The following CHODL variants were observed in gnomAD, a reference collection of about 807,000 sequenced individuals.
CHODL encodes the protein chondrolectin, also known as transmembrane protein MT75.
In CHODL, 29 loss-of-function variants were observed where a neutral mutation model predicts 34.5. That is an observed-to-expected ratio of 0.84 (90% confidence interval 0.63 to 1.15). The LOEUF (loss-of-function observed/expected upper bound fraction) is 1.15, where lower values mean the gene tolerates loss of function less well. Among genes scored for constraint, CHODL ranks in the 50% most tolerant of loss-of-function variants. CHODL has a pLI of 0.00. For synonymous variants in CHODL, 125 were observed against 116.1 expected, an observed-to-expected ratio of 1.08 and a Z score of -0.49; for missense variants, 332 against 332.5, an observed-to-expected ratio of 1.00 and a Z score of 0.01.
intron 2 of CHODL, among the ~76,000 whole-genome samples, chr21:18,146,633 C>T (rs974860116): frequency 6.6e-6 from 1 of 152,154 alleles, no homozygotes; most frequent in African/African-American, 2.4e-5. Context: ...GTCAATTAAA[C>T]TTCTTCCCTT....
chr21:18,139,536 T>C (rs1035358258), intron 2 of CHODL, among the ~76,000 whole-genome samples: 3 of 152,080 alleles, frequency 2.0e-5, no homozygotes, highest in Non-Finnish European at 4.4e-5. Flanking sequence ...TATGTAACCA[T>C]TAATGGCTCA....
At chr21:18,161,388 T>G (rs1228164292) in intron 2 of CHODL, among the ~76,000 whole-genome samples, 1 of 152,206 alleles carries the variant, frequency 6.6e-6, no homozygotes, top group African/African-American at 2.4e-5. Context: ...CATAAACACC[T>G]TAAGATATAA....
chr21:18,091,736 A>G (rs1324369607), intron 2 of CHODL, among the ~76,000 whole-genome samples: 1 of 152,186 alleles, frequency 6.6e-6, no homozygotes, highest in Non-Finnish European at 1.5e-5. Flanking sequence ...CTGAAGAGTG[A>G]GTCCCAGGCA....
In CHODL at chr21:18,083,396, G is replaced by T. The variant is rs978178947; in HGVS notation, c.-45+55425G>T. On this transcript the variant is annotated intron_variant, in intron 2 of 6. Transcript: ENST00000400127. ...GGGCAGTCTGGAATGAAAATGTGGG[G>T]TTAAAGCCCCCACAGATTCCCCACT... Among the ~76,000 whole-genome samples, 5 of 152,180 alleles carry T rather than the reference G, an allele frequency of 3.3e-5. No individual in the cohort carries two copies. In the South Asian group the frequency reaches 1.0e-3, roughly 31 times the overall value.
chr21:18,100,843 G>A (rs1268494544), intron 2 of CHODL, among the ~76,000 whole-genome samples: 1 of 152,076 alleles, frequency 6.6e-6, no homozygotes, highest in Admixed American at 6.6e-5. Context: ...AAATACTTTT[G>A]TGAATTCCAT....
At chr21:18,128,318 AAAAAAAAAAAAAAAAAAAAAAAAG>A (rs1158103700) in intron 2 of CHODL, among the ~76,000 whole-genome samples, 6 of 133,924 alleles carry the variant, frequency 4.5e-5, no homozygotes, top group South Asian at 2.5e-4. Flanking sequence ...AAAAAAAAAA[AAAAAAAAAAAAAAAAAAAAAAAAG>A]AAGAAGAAGA....
chr21:18,132,598 T>C (rs1346196331), intron 2 of CHODL, among the ~76,000 whole-genome samples: 1 of 152,188 alleles, frequency 6.6e-6, no homozygotes, highest in African/African-American at 2.4e-5. Flanking sequence ...GCTAGAAAGA[T>C]CATTTTATCT....
At chr21:17,966,942 G>T (rs1168307816) in intron 1 of CHODL, among the ~76,000 whole-genome samples, 1 of 151,062 alleles carries the variant, frequency 6.6e-6, no homozygotes, top group Non-Finnish European at 1.5e-5. Context: ...TTGGAGTGCA[G>T]TGGCGCGATC....
intron 1 of CHODL, among the ~76,000 whole-genome samples, chr21:17,953,304 C>T (rs2063473182): frequency 6.6e-6 from 1 of 151,928 alleles, no homozygotes; most frequent in South Asian, 2.1e-4. Context: ...ATTAGCATAG[C>T]TAGAAATTCA....
At chr21:17,965,097 C>T (rs1911866063) in intron 1 of CHODL, among the ~76,000 whole-genome samples, 1 of 152,098 alleles carries the variant, frequency 6.6e-6, no homozygotes, top group Admixed American at 6.5e-5. Context: ...ACTTGATAAT[C>T]TCTTAAACCA....
intron 2 of CHODL, among the ~76,000 whole-genome samples, chr21:18,165,514 T>C (rs2073141626): frequency 6.6e-6 from 1 of 152,172 alleles, no homozygotes; most frequent in Non-Finnish European, 1.5e-5. Context: ...TGAGCAGCAG[T>C]TGGTAAGGAC....
chr21:18,022,158 ACATTTTTACAGGCTAGAAT>A (rs1444947046), intron 1 of CHODL, among the ~76,000 whole-genome samples: 4 of 152,138 alleles, frequency 2.6e-5, no homozygotes, highest in Admixed American at 6.5e-5. Flanking sequence ...TTATTCACTC[ACATTTTTACAGGCTAGAAT>A]CTAAAATCAT....
intron 2 of CHODL, among the ~76,000 whole-genome samples, chr21:18,215,827 A>G (rs938195419): frequency 5.3e-5 from 8 of 152,108 alleles, no homozygotes; most frequent in African/African-American, 1.7e-4. Context: ...TCTATCTATG[A>G]GTTTACTCTC....
chr21:18,011,468 T>G (rs1171094098), intron 1 of CHODL, among the ~76,000 whole-genome samples: 1 of 152,200 alleles, frequency 6.6e-6, no homozygotes, highest in Non-Finnish European at 1.5e-5. Flanking sequence ...CCTTTGTTTT[T>G]TAGGGGAAAG....
chr21:18,206,219 G>C (rs1358632984), intron 2 of CHODL, among the ~76,000 whole-genome samples: 2 of 152,146 alleles, frequency 1.3e-5, no homozygotes, highest in Non-Finnish European at 2.9e-5. Flanking sequence ...CTTGTTCAAT[G>C]CTAAAAGTAG....
chr21:17,926,374 G>A (rs78657028), intron 1 of CHODL, among the ~76,000 whole-genome samples: 1 of 68,080 alleles, frequency 1.5e-5, no homozygotes, highest in Admixed American at 1.5e-4. Context: ...TAAATAAGGT[G>A]GGTTTTTTTT....
At chr21:17,917,587 TG>T (rs1165105000) in intron 1 of CHODL, among the ~76,000 whole-genome samples, 1 of 149,048 alleles carries the variant, frequency 6.7e-6, no homozygotes, top group East Asian at 2.0e-4. Flanking sequence ...CTACCCAAGG[TG>T]GGGCCATCTG....
chr21:18,024,980 T>C (rs866967739), intron 1 of CHODL, among the ~76,000 whole-genome samples: 1 of 152,202 alleles, frequency 6.6e-6, no homozygotes, highest in South Asian at 2.1e-4. Flanking sequence ...TTGGGACTTA[T>C]ACCTGCTTGA....
At chr21:18,237,194 T>TA (rs2074036324) in intron 2 of CHODL, among the ~76,000 whole-genome samples, 1 of 152,132 alleles carries the variant, frequency 6.6e-6, no homozygotes, top group Non-Finnish European at 1.5e-5. Context: ...GATGTGTGGT[T>TA]ACCATATTCT....
Sources: gnomAD v4.1 joint callset for allele counts (sites outside exome capture counted in the v4.1 genomes callset) on GRCh38, gnomAD v4.1.1 for gene constraint, MANE v1.5 for transcripts, NCBI Gene and HGNC (gene_info 2026-07-23, HGNC 2026-07-21) for gene names.